TSHZ2: variants seen among roughly 807,000 people sequenced by gnomAD.
TSHZ2 encodes teashirt homolog 2.
In TSHZ2, 21 loss-of-function variants were observed where a neutral mutation model predicts 74.4. That is an observed-to-expected ratio of 0.28 (90% CI 0.20 to 0.41). The LOEUF is 0.41. Among genes scored for constraint, TSHZ2 ranks in the 10% least tolerant of loss-of-function variants. The probability of loss-of-function intolerance (pLI) is 1.00; values close to 1 mark genes in which losing one functional copy is unlikely to be tolerated. For synonymous variants in TSHZ2, 540 were observed against 515.3 expected, an observed-to-expected ratio of 1.05 and a Z score of -0.65; for missense variants, 1,244 against 1,293.5, an observed-to-expected ratio of 0.96 and a Z score of 0.59.
chr20:53,260,380 A>C (rs777661053), intron 2 of TSHZ2, among the ~76,000 whole-genome samples: 1 of 152,216 alleles, frequency 6.6e-6, no homozygotes, highest in African/African-American at 2.4e-5. Flanking sequence ...AGCCTCACTC[A>C]TTCATTATGA....
intron 1 of TSHZ2, among the ~76,000 whole-genome samples, chr20:53,147,587 G>T (rs1379971532): frequency 6.6e-6 from 1 of 152,176 alleles, no homozygotes; most frequent in Non-Finnish European, 1.5e-5. Flanking sequence ...ATTGTTGGTT[G>T]CCATATCACT....
At position 53,253,985 on chromosome 20, in the gene TSHZ2, G is replaced by A. The variant is rs756044357; in HGVS notation, c.527G>A (p.Ser176Asn). The stretch of plus-strand genomic sequence containing the variant: ...TGGCACCAAGACGCTCTGTCCAAAA[G>A]CCTGCAGCAGAACTTGCCTTCTCGG... ...FDWHQDALSK[S>N]LQQNLPSRSV... Residue 176 changes from serine to asparagine, a missense_variant, in exon 2 of 3, where the codon AGC becomes AAC. Ser to Asn is a conservative substitution (Grantham distance 46). Transcript: ENST00000371497. 2.5e-6 allele frequency: 4 copies of A among 1,614,166 alleles called. No individual in the cohort carries two copies. Among genetic ancestry groups the A allele is most frequent in the East Asian group, 4.5e-5 (2 of 44,870 alleles).
In TSHZ2 at chr20:53,404,715, G is replaced by A. The variant is rs538413365; in HGVS notation, c.*9-82429G>A. ...AATATAATTACATACAATTATTAGCGGAAAAGGATCAGATAAGGTTTATTA... is the reference window on the plus strand; with the variant it reads ...AATATAATTACATACAATTATTAGCAGAAAAGGATCAGATAAGGTTTATTA... On this transcript the variant is annotated intron_variant, in intron 2 of 2. Transcript: ENST00000371497. 7.4e-4 allele frequency among the ~76,000 whole-genome samples: 112 copies of A among 152,150 alleles called. 1 individual carries two copies. The highest frequency in any genetic ancestry group is 2.6e-3 in the African/African-American group (109 of 41,500).
chr20:53,174,711 G>A (rs554090548), intron 1 of TSHZ2, among the ~76,000 whole-genome samples: 19 of 152,296 alleles, frequency 1.2e-4, no homozygotes, highest in African/African-American at 3.1e-4. Context: ...CCTTGGTCAC[G>A]TGGGTTCCAA....
intron 2 of TSHZ2, among the ~76,000 whole-genome samples, chr20:53,336,312 G>A (rs978674902): frequency 2.0e-5 from 3 of 152,072 alleles, no homozygotes; most frequent in Non-Finnish European, 2.9e-5. Context: ...TCACGCCCAG[G>A]GAAATCACAC....
At chr20:53,006,910 G>C (rs2122983177) in intron 1 of TSHZ2, among the ~76,000 whole-genome samples, 1 of 134,942 alleles carries the variant, frequency 7.4e-6, no homozygotes, top group East Asian at 1.9e-4. Flanking sequence ...AATTGAGTAG[G>C]AGTTGGGAGA....
At chr20:53,337,844 G>C (rs1980018225) in intron 2 of TSHZ2, among the ~76,000 whole-genome samples, 1 of 152,182 alleles carries the variant, frequency 6.6e-6, no homozygotes, top group African/African-American at 2.4e-5. Context: ...TATTTAGAAA[G>C]TGCCTTGGTA....
chr20:53,136,448 A>T (rs1987248364), intron 1 of TSHZ2, among the ~76,000 whole-genome samples: 1 of 151,910 alleles, frequency 6.6e-6, no homozygotes, highest in South Asian at 2.1e-4. Flanking sequence ...GGGAATAATA[A>T]CTCCTTCCAC....
intron 1 of TSHZ2, among the ~76,000 whole-genome samples, chr20:52,975,814 G>C (rs1446603818): frequency 6.6e-6 from 1 of 152,176 alleles, no homozygotes; most frequent in Non-Finnish European, 1.5e-5. Flanking sequence ...TTATTCACAA[G>C]TAAAGTTAGC....
At chr20:52,986,780 G>C (rs780041343) in intron 1 of TSHZ2, among the ~76,000 whole-genome samples, 41 of 152,166 alleles carry the variant, frequency 2.7e-4, no homozygotes, top group Non-Finnish European at 4.4e-4. Context: ...TACCATCAAT[G>C]TATGGCAAAT....
intron 1 of TSHZ2, among the ~76,000 whole-genome samples, chr20:53,090,860 C>T (rs567637804): frequency 2.0e-5 from 3 of 152,326 alleles, no homozygotes; most frequent in Non-Finnish European, 2.9e-5. Context: ...CTCCCCTTTT[C>T]GTTTGCTGTT....
chr20:53,081,664 T>C (rs1985539175), intron 1 of TSHZ2, among the ~76,000 whole-genome samples: 1 of 152,176 alleles, frequency 6.6e-6, no homozygotes, highest in Non-Finnish European at 1.5e-5. Context: ...TTTATCACGG[T>C]GTTTATAAAT....
chr20:53,488,832 G>C lies in TSHZ2; in HGVS notation c.*1697G>C, dbSNP rs1986365654. ...ACATGATCCCTAAATTCAACATTGG[G>C]ATTAAAAAAAAAAAAAAACTTCTTA... is the stretch of plus-strand genomic sequence containing the variant. On this transcript the variant is annotated 3_prime_UTR_variant, in exon 3 of 3. Transcript: ENST00000371497. 1 of 323,788 alleles carries C rather than the reference G, an allele frequency of 3.1e-6. No homozygotes were observed. The highest frequency in any genetic ancestry group is 6.0e-6 in the Non-Finnish European group (1 of 165,764). The allele number at this position is 323,788 out of a possible 1,614,324, so 20.1% of individuals were successfully genotyped here.
intron 2 of TSHZ2, among the ~76,000 whole-genome samples, chr20:53,450,862 AAAG>A (rs1465328954): frequency 6.6e-6 from 1 of 151,810 alleles, no homozygotes; most frequent in African/African-American, 2.4e-5. Flanking sequence ...GCTGCCAGGA[AAAG>A]AAAAACAAAA....
At chr20:53,188,731 ACT>A (rs1190141413) in intron 1 of TSHZ2, among the ~76,000 whole-genome samples, 1 of 152,164 alleles carries the variant, frequency 6.6e-6, no homozygotes, top group African/African-American at 2.4e-5. Context: ...AAACATTCAT[ACT>A]CTCATAAATT....
intron 1 of TSHZ2, among the ~76,000 whole-genome samples, chr20:53,153,346 C>A (rs1206603177): frequency 6.6e-6 from 1 of 152,108 alleles, no homozygotes; most frequent in Non-Finnish European, 1.5e-5. Context: ...TCCCTGTCAC[C>A]AGGTATTACT....
chr20:53,202,994 C>G (rs137985682), intron 1 of TSHZ2, among the ~76,000 whole-genome samples: 305 of 152,228 alleles, frequency 2.0e-3, no homozygotes, highest in African/African-American at 7.1e-3. Flanking sequence ...GTAGGCAGAT[C>G]AAGGGACACA....
At chr20:53,025,251 A>T (rs1282019652) in intron 1 of TSHZ2, among the ~76,000 whole-genome samples, 6 of 152,062 alleles carry the variant, frequency 3.9e-5, no homozygotes, top group African/African-American at 1.4e-4. Context: ...TAATTTTTTT[A>T]AACATTTTAT....
At chr20:53,142,583 G>GTCAGCACACATT (rs1376338883) in intron 1 of TSHZ2, among the ~76,000 whole-genome samples, 1 of 152,222 alleles carries the variant, frequency 6.6e-6, no homozygotes, top group Admixed American at 6.5e-5. Flanking sequence ...ACCTGAACCA[G>GTCAGCACACATT]TCAGCACACA....
Sources: gnomAD v4.1 joint callset for allele counts (sites outside exome capture counted in the v4.1 genomes callset) on GRCh38, gnomAD v4.1.1 for gene constraint, MANE v1.5 for transcripts, NCBI Gene and HGNC (gene_info 2026-07-23, HGNC 2026-07-21) for gene names.